The following CSMD1 variants were observed in gnomAD, a reference collection of about 807,000 sequenced individuals.
CSMD1 encodes the protein CUB and Sushi multiple domains 1, also known as CUB and sushi domain-containing protein 1.
Under a neutral mutation model 417.5 loss-of-function variants are expected in CSMD1, and 213 were observed. That is an observed-to-expected ratio of 0.51 (90% CI 0.46 to 0.57). The LOEUF is 0.57. Among genes scored for constraint, CSMD1 ranks in the 20% least tolerant of loss-of-function variants. The pLI is 0.00. For missense variants in CSMD1, 6,923 were observed against 4,529.7 expected (o/e 1.53, Z -15.17); for synonymous variants, 2,862 against 1,736.8 (o/e 1.65, Z -16.11).
chr8:3,651,410 G>T (rs1399212374), intron 7 of CSMD1, among the ~76,000 whole-genome samples: 1 of 152,012 alleles, frequency 6.6e-6, no homozygotes, highest in East Asian at 1.9e-4. Flanking sequence ...GCCCTTCATG[G>T]AGTACCTCGA....
At chr8:3,057,266 C>A (rs1289245686) in intron 49 of CSMD1, among the ~76,000 whole-genome samples, 1 of 152,062 alleles carries the variant, frequency 6.6e-6, no homozygotes, top group Non-Finnish European at 1.5e-5. Context: ...TTATTTTCCT[C>A]AATTTGAATT....
chr8:4,048,003 T>A (rs542252090), intron 3 of CSMD1, among the ~76,000 whole-genome samples: 39 of 152,306 alleles, frequency 2.6e-4, no homozygotes, highest in African/African-American at 9.1e-4. Context: ...TTTAAGTCTT[T>A]GTATGAGAGA....
At chr8:4,679,104 C>T (rs143430129) in intron 1 of CSMD1, among the ~76,000 whole-genome samples, 7 of 152,178 alleles carry the variant, frequency 4.6e-5, no homozygotes, top group African/African-American at 7.2e-5. Context: ...TGGTCATCTG[C>T]GCAAGTTTCT....
chr8:4,291,958 C>T (rs1341670089), intron 3 of CSMD1, among the ~76,000 whole-genome samples: 3 of 152,098 alleles, frequency 2.0e-5, no homozygotes, highest in Non-Finnish European at 4.4e-5. Flanking sequence ...AGCCTGGTGT[C>T]CAGAAGGAAT....
chr8:4,162,197 T>G (rs1797214128), intron 3 of CSMD1, among the ~76,000 whole-genome samples: 1 of 152,202 alleles, frequency 6.6e-6, no homozygotes, highest in South Asian at 2.1e-4. Context: ...TTTCCAAAAT[T>G]ATATGCATGT....
chr8:3,495,724 G>C (rs1187687125), intron 10 of CSMD1, among the ~76,000 whole-genome samples: 1 of 152,142 alleles, frequency 6.6e-6, no homozygotes, highest in Non-Finnish European at 1.5e-5. Context: ...AAAAGAACCA[G>C]AGATGCAAAT....
At chr8:4,198,265 C>G (rs931908106) in intron 3 of CSMD1, among the ~76,000 whole-genome samples, 1 of 152,228 alleles carries the variant, frequency 6.6e-6, no homozygotes, top group Non-Finnish European at 1.5e-5. Flanking sequence ...CTCATTATTA[C>G]AGAAGCACAG....
At chr8:3,931,554 G>A (rs962417128) in intron 5 of CSMD1, among the ~76,000 whole-genome samples, 2 of 150,124 alleles carry the variant, frequency 1.3e-5, no homozygotes, top group Non-Finnish European at 3.0e-5. Context: ...CAAACTTCTT[G>A]TGGAGGGAGG....
chr8:4,729,906 G>A (rs1294975871), intron 1 of CSMD1, among the ~76,000 whole-genome samples: 1 of 152,056 alleles, frequency 6.6e-6, no homozygotes, highest in East Asian at 1.9e-4. Flanking sequence ...AACTTCAGCG[G>A]GAGTTTTGAT....
chr8:3,615,182 A>T (rs553933157), intron 8 of CSMD1, among the ~76,000 whole-genome samples: 7 of 151,996 alleles, frequency 4.6e-5, no homozygotes, highest in African/African-American at 1.7e-4. Flanking sequence ...TTCACAACCA[A>T]CTCTTCCTCT....
intron 3 of CSMD1, among the ~76,000 whole-genome samples, chr8:4,186,945 G>C (rs1304354782): frequency 1.3e-5 from 2 of 152,042 alleles, no homozygotes; most frequent in Non-Finnish European, 2.9e-5. Context: ...GCAGTGAGCT[G>C]CACTCTAGCC....
intron 12 of CSMD1, among the ~76,000 whole-genome samples, chr8:3,441,151 G>C (rs971212795): frequency 1.3e-5 from 2 of 152,204 alleles, no homozygotes; most frequent in South Asian, 2.1e-4. Context: ...AGGAGCATAG[G>C]AGACACTGTA....
At chr8:3,175,507 GCCTTTTTTCCTTCCTT>G (rs1232456711) in intron 37 of CSMD1, among the ~76,000 whole-genome samples, 110 of 125,906 alleles carry the variant, frequency 8.7e-4, no homozygotes, top group Non-Finnish European at 7.7e-4. Flanking sequence ...CTGCCTGCCT[GCCTTTTTTCCTTCCTT>G]CCTTCCTTCC....
intron 40 of CSMD1, among the ~76,000 whole-genome samples, chr8:3,143,335 G>C (rs1011682307): frequency 5.3e-5 from 8 of 152,122 alleles, no homozygotes; most frequent in Non-Finnish European, 1.2e-4. Context: ...ATTGATGTTT[G>C]TGAGAAACCC....
intron 37 of CSMD1, among the ~76,000 whole-genome samples, chr8:3,164,126 G>A (rs760264583): frequency 6.6e-6 from 1 of 152,138 alleles, no homozygotes; most frequent in African/African-American, 2.4e-5. Flanking sequence ...AGAGAGAGAA[G>A]TGTCTTCATC....
At chr8:3,906,190 G>C (rs1188043653) in intron 5 of CSMD1, among the ~76,000 whole-genome samples, 1 of 152,044 alleles carries the variant, frequency 6.6e-6, no homozygotes, top group Non-Finnish European at 1.5e-5. Flanking sequence ...GTTAATGTAA[G>C]TGAATCACAA....
intron 1 of CSMD1, among the ~76,000 whole-genome samples, chr8:4,830,459 G>C (rs12546537): frequency 6.6e-6 from 1 of 152,162 alleles, no homozygotes; most frequent in Admixed American, 6.5e-5. Flanking sequence ...TAATGACTTA[G>C]GATCTGTCTT....
intron 8 of CSMD1, among the ~76,000 whole-genome samples, chr8:3,615,407 C>A (rs75847682): frequency 0.1 from 15,552 of 152,170 alleles, 1,026 homozygotes; most frequent in East Asian, 0.27. Context: ...GACCACTTTT[C>A]CAATAAATCA....
At chr8:3,663,408 A>C (rs1245408742) in intron 7 of CSMD1, among the ~76,000 whole-genome samples, 1 of 152,114 alleles carries the variant, frequency 6.6e-6, no homozygotes, top group Non-Finnish European at 1.5e-5. Flanking sequence ...CTTTTAAGAC[A>C]TGTGGACAGG....
Sources: gnomAD v4.1 joint callset for allele counts (sites outside exome capture counted in the v4.1 genomes callset) on GRCh38, gnomAD v4.1.1 for gene constraint, MANE v1.5 for transcripts, NCBI Gene and HGNC (gene_info 2026-07-23, HGNC 2026-07-21) for gene names.